The following ARNT variants were observed in gnomAD, a reference collection of about 807,000 sequenced individuals.
ARNT encodes class E basic helix-loop-helix protein 2.
ARNT carries 30 observed loss-of-function variants against 105.0 expected under a neutral mutation model. The observed-to-expected ratio is 0.29, with a 90% CI of 0.21 to 0.39. ARNT has a LOEUF of 0.39. Ranked by LOEUF, ARNT falls within the 10% of genes least tolerant of loss-of-function variation. The probability of loss-of-function intolerance (pLI) is 1.00; values close to 1 mark genes in which losing one functional copy is unlikely to be tolerated. For missense variants in ARNT, 748 were observed against 978.7 expected, an observed-to-expected ratio of 0.76 and a Z score of 3.15; for synonymous variants, 304 against 344.0, an observed-to-expected ratio of 0.88 and a Z score of 1.29.
At chr1:150,868,668 G>A (rs1290817482) in intron 1 of ARNT, among the ~76,000 whole-genome samples, 5 of 151,750 alleles carry the variant, frequency 3.3e-5, no homozygotes, top group African/African-American at 4.8e-5. Flanking sequence ...TTGGGAGGCC[G>A]AGGTGGGCAG....
At chr1:150,842,575 G>T in intron 4 of ARNT, 107 bp from the exon 5 acceptor site, 1 of 844,728 alleles carries the variant, frequency 1.2e-6, no homozygotes, top group Non-Finnish European at 1.8e-6. Context: ...GGAAATGGAG[G>T]GAGAAAAAAA....
At chr1:150,855,412 AT>A (rs1161354232) in intron 2 of ARNT, among the ~76,000 whole-genome samples, 1 of 151,536 alleles carries the variant, frequency 6.6e-6, no homozygotes, top group East Asian at 1.9e-4. Flanking sequence ...AAAAAAAAAA[AT>A]TAGCCAGACG....
intron 6 of ARNT, among the ~76,000 whole-genome samples, chr1:150,836,817 G>A (rs1194905736): frequency 6.6e-6 from 1 of 152,218 alleles, no homozygotes; most frequent in East Asian, 1.9e-4. Context: ...CAAAGTGGGA[G>A]GGTCACTGAG....
Position 150,839,712 on chromosome 1 carries a change from AG to A in ARNT, c.273-59del, listed in dbSNP as rs1288138909. On this transcript the variant is annotated intron_variant, in intron 5 of 21. Coordinates refer to ENST00000358595, the MANE Select transcript of ARNT (RefSeq NM_001668.4). Reference sequence around the variant, plus strand: ...TGGTCACATCTGGTCATTTGGTAGCAGGGAGAGTGATATGGATACCAAGTGT... The same window carrying A: ...TGGTCACATCTGGTCATTTGGTAGCAGGAGAGTGATATGGATACCAAGTGT... The A allele has an allele frequency of 5.3e-5, 80 of 1,522,726 alleles. No homozygotes were observed. The Middle Eastern group carries it at 2.6e-3, about 50-fold the overall frequency. 94.3% of individuals were successfully genotyped at this position (1,522,726 alleles called of 1,614,324 possible).
Position 150,854,378 on chromosome 1 carries a change from T to C in ARNT, c.138-1572A>G, listed in dbSNP as rs1234577191. 1.3e-4 allele frequency among the ~76,000 whole-genome samples: 17 copies of C among 134,310 alleles called. 1 individual carries two copies. The highest frequency in any genetic ancestry group is 1.5e-5 in the Non-Finnish European group (1 of 65,444). The allele number at this position is 134,310 out of a possible 152,430, so 88.1% of individuals were successfully genotyped here. ...TTTAAGACCAGCCTGGGCAACACGG[T>C]GAAATCCCGTCTCTACAAAACATAC... On this transcript the variant is annotated intron_variant, in intron 2 of 21. Transcript: ENST00000358595.
chr1:150,876,110 A>G (rs1237834996), intron 1 of ARNT, among the ~76,000 whole-genome samples: 1 of 152,246 alleles, frequency 6.6e-6, no homozygotes, highest in African/African-American at 2.4e-5. Context: ...CGCCTCAACT[A>G]AAGAGCAGTG....
chr1:150,835,684 G>GT (rs1404702427), intron 7 of ARNT, among the ~76,000 whole-genome samples: 1 of 152,052 alleles, frequency 6.6e-6, no homozygotes, highest in African/African-American at 2.4e-5. Flanking sequence ...TTAACTACCA[G>GT]TTTTTTTATC....
rs777444553 is a variant in ARNT, at chr1:150,840,945, CTTTTTTTT to C, written c.273-1299_273-1292del. ...AAATATTTGCCTTATCTCTCTTCTT[CTTTTTTTT>C]TTTTTTTTTTTTTGAGATGGAGTCT... is the stretch of plus-strand genomic sequence containing the variant. On this transcript the variant is annotated intron_variant, in intron 5 of 21. Transcript: ENST00000358595. 2.2e-4 allele frequency among the ~76,000 whole-genome samples: 23 copies of C among 103,726 alleles called. No individual in the cohort carries two copies. In the East Asian group the frequency reaches 4.8e-3, roughly 22 times the overall value. The allele number at this position is 103,726 out of a possible 152,430, so 68.0% of individuals were successfully genotyped here. A position where few individuals can be genotyped will look rare whatever the true frequency, so the allele number is the denominator to read the frequency against.
chr1:150,810,535 T>C lies in ARNT; in HGVS notation c.*1486A>G. 4.5e-6 allele frequency: 1 copy of C among 220,110 alleles called. No homozygotes were observed. The highest frequency in any genetic ancestry group is 9.1e-6 in the Non-Finnish European group (1 of 109,388). 13.6% of individuals were successfully genotyped at this position (220,110 alleles called of 1,614,324 possible). A position where few individuals can be genotyped will look rare whatever the true frequency, so the allele number is the denominator to read the frequency against. On this transcript the variant is annotated 3_prime_UTR_variant, in exon 22 of 22. Coordinates refer to ENST00000358595, the MANE Select transcript of ARNT (RefSeq NM_001668.4). The stretch of plus-strand genomic sequence containing the variant: ...AGCAAATGGACATTCCTTTGGCCTC[T>C]TCAAGGCCACCCTTGCTCCTCAGTC...
At chr1:150,859,138 T>G (rs1040785898) in intron 1 of ARNT, among the ~76,000 whole-genome samples, 1 of 152,156 alleles carries the variant, frequency 6.6e-6, no homozygotes, top group Admixed American at 6.5e-5. Flanking sequence ...CAACAAATAT[T>G]TATAACTTAT....
intron 3 of ARNT, among the ~76,000 whole-genome samples, chr1:150,850,614 C>T (rs1471692068): frequency 2.6e-5 from 4 of 152,220 alleles, no homozygotes; most frequent in Non-Finnish European, 5.9e-5. Flanking sequence ...AGTGCAGTGG[C>T]GTGATCTCGG....
intron 1 of ARNT, among the ~76,000 whole-genome samples, chr1:150,871,294 G>GTTTTTT (rs754698911): frequency 4.2e-5 from 4 of 94,618 alleles, no homozygotes; most frequent in Non-Finnish European, 8.2e-5. Flanking sequence ...GGCAGTCGTG[G>GTTTTTT]TTTTTTTTTT....
chr1:150,820,871 A>G (rs376740773), intron 14 of ARNT, among the ~76,000 whole-genome samples: 80 of 152,306 alleles, frequency 5.3e-4, no homozygotes, highest in African/African-American at 1.9e-3. Context: ...ATGAAATACA[A>G]CTGATTGCTC....
chr1:150,861,363 CAT>C, intron 1 of ARNT: 2 of 367,486 alleles, frequency 5.4e-6, no homozygotes, highest in East Asian at 1.6e-4. Flanking sequence ...AGAATTACCA[CAT>C]GATCCAGCAA....
chr1:150,865,874 G>A (rs587660832), intron 1 of ARNT, among the ~76,000 whole-genome samples: 10 of 152,088 alleles, frequency 6.6e-5, no homozygotes, highest in African/African-American at 2.4e-4. Context: ...GAAATGCCTT[G>A]GATGTATGAA....
At chr1:150,836,785 T>C (rs1571306329) in intron 6 of ARNT, among the ~76,000 whole-genome samples, 1 of 152,236 alleles carries the variant, frequency 6.6e-6, no homozygotes, top group African/African-American at 2.4e-5. Flanking sequence ...CTCCCGCCGG[T>C]AATCCCAGCA....
At chr1:150,871,269 C>A in intron 1 of ARNT, among the ~76,000 whole-genome samples, 1 of 143,956 alleles carries the variant, frequency 6.9e-6, no homozygotes. Context: ...TTACTAAAGT[C>A]ATTATGGCAT....
intron 1 of ARNT, among the ~76,000 whole-genome samples, chr1:150,864,011 C>T (rs1666115490): frequency 6.6e-6 from 1 of 152,012 alleles, no homozygotes; most frequent in Non-Finnish European, 1.5e-5. Context: ...ATGGTACAGC[C>T]ACTACACACC....
Position 150,842,419 on chromosome 1 carries a change from C to G in ARNT, c.272+5G>C. The G allele has an allele frequency of 1.2e-6, 2 of 1,612,102 alleles. No individual in the cohort carries two copies. The highest frequency in any genetic ancestry group is 1.7e-6 in the Non-Finnish European group (2 of 1,178,926). On this transcript the variant is annotated splice_donor_5th_base_variant and intron_variant, in intron 5 of 21. Coordinates refer to ENST00000358595, the MANE Select transcript of ARNT (RefSeq NM_001668.4). ...TCATCATGCTAAAAGACACTGTTCTCCTACCTGGCAAGTCTCTCTTTATCC... is the reference window on the plus strand; with the variant it reads ...TCATCATGCTAAAAGACACTGTTCTGCTACCTGGCAAGTCTCTCTTTATCC...
Sources: allele counts gnomAD v4.1 joint callset (sites outside exome capture counted in the v4.1 genomes callset), GRCh38; gene constraint gnomAD v4.1.1; transcripts MANE v1.5; gene names NCBI Gene and HGNC (gene_info 2026-07-23, HGNC 2026-07-21).